Variants in PFKFB3 observed in about 807,000 individuals in gnomAD.
PFKFB3 encodes the protein 6-phosphofructo-2-kinase/fructose-2,6-biphosphatase 3.
PFKFB3 carries 33 observed loss-of-function variants against 68.0 expected under a neutral mutation model. The observed-to-expected ratio is 0.49, with a 90% CI of 0.37 to 0.65. The LOEUF is 0.65. PFKFB3 is among the 30% of genes least tolerant of loss of function. The probability of loss-of-function intolerance (pLI) is 0.00; values close to 1 mark genes in which losing one functional copy is unlikely to be tolerated. For missense variants in PFKFB3, 586 were observed against 712.2 expected (o/e 0.82, Z 2.02); for synonymous variants, 315 against 288.2 (o/e 1.09, Z -0.94).
At chr10:6,298,618 G>T in the PFKFB3 span, among the ~76,000 whole-genome samples, 1 of 151,982 alleles carries the variant, frequency 6.6e-6, no homozygotes, top group East Asian at 1.9e-4. Flanking sequence ...CTCCTGCCTC[G>T]GCCTCCCAAA....
the PFKFB3 span, among the ~76,000 whole-genome samples, chr10:6,307,333 ACACACACACACACACAC>A: frequency 2.6e-5 from 3 of 117,446 alleles, no homozygotes; most frequent in East Asian, 3.5e-4. Flanking sequence ...TGCGTACTAC[ACACACACACACACACAC>A]ACACACACAC....
chr10:6,224,447 C>T, intron 13 of PFKFB3: 1 of 641,914 alleles, frequency 1.6e-6, no homozygotes, highest in Non-Finnish European at 2.8e-6. Context: ...TTCTGCTGAG[C>T]TCGAGATATG....
At chr10:6,265,485 C>T in the PFKFB3 span, among the ~76,000 whole-genome samples, 3 of 152,150 alleles carry the variant, frequency 2.0e-5, no homozygotes, top group African/African-American at 7.2e-5. Flanking sequence ...GATTTTGTCT[C>T]ATGTTTCTCC....
intron 1 of PFKFB3, among the ~76,000 whole-genome samples, chr10:6,172,988 G>C (rs887112325): frequency 2.0e-5 from 3 of 152,156 alleles, no homozygotes; most frequent in African/African-American, 7.2e-5. Context: ...AGCGTCCACT[G>C]CAGTGGCCCA....
At chr10:6,146,604 G>A (rs12263904) in intron 1 of PFKFB3, 1 of 1,132,514 alleles carries the variant, frequency 8.8e-7, no homozygotes, top group Non-Finnish European at 1.2e-6. Context: ...TGACTTCATC[G>A]CTTCTGCCCA....
chr10:6,221,877 G>A (rs2131987110), intron 10 of PFKFB3, 132 bp downstream of exon 10: 1 of 629,302 alleles, frequency 1.6e-6, no homozygotes, highest in Non-Finnish European at 2.8e-6. Flanking sequence ...CCTTGGAACT[G>A]AGTCCCCCCA....
the PFKFB3 span, among the ~76,000 whole-genome samples, chr10:6,305,443 A>C: frequency 1.3e-5 from 2 of 152,178 alleles, no homozygotes; most frequent in Admixed American, 1.3e-4. Context: ...GGCCTTGCAA[A>C]GTGTTGGGAT....
At chr10:6,324,587 C>T in the PFKFB3 span, among the ~76,000 whole-genome samples, 2 of 151,930 alleles carry the variant, frequency 1.3e-5, no homozygotes, top group Non-Finnish European at 1.5e-5. Flanking sequence ...CCACCACGAC[C>T]AGCTAATACT....
In PFKFB3 at chr10:6,215,106, T is replaced by C; in HGVS notation, c.203-115T>C. Reference sequence around the variant, plus strand: ...CGGCATTGCTTCCACACCATCTCATTCAAGTCGGTGTGGTTGGCCTGGTGG... The same window carrying C: ...CGGCATTGCTTCCACACCATCTCATCCAAGTCGGTGTGGTTGGCCTGGTGG... On this transcript the variant is annotated intron_variant, in intron 2 of 14. Coordinates refer to ENST00000379775, the MANE Select transcript of PFKFB3 (RefSeq NM_004566.4). This position sits in a 1 kb window ranked among gnomAD's most constrained non-coding sequence, Gnocchi z 4.3. The C allele has an allele frequency of 1.3e-6, 1 of 792,310 alleles. No homozygotes were observed. The highest frequency in any genetic ancestry group is 2.1e-6 in the Non-Finnish European group (1 of 467,974). 49.1% of individuals were successfully genotyped at this position (792,310 alleles called of 1,614,324 possible).
At chr10:6,232,540 G>A (rs1845810747) in intron 14 of PFKFB3, among the ~76,000 whole-genome samples, 1 of 152,194 alleles carries the variant, frequency 6.6e-6, no homozygotes, top group African/African-American at 2.4e-5. Context: ...CCTCTGCCTG[G>A]CTGTGGTTTG....
chr10:6,304,256 A>G, the PFKFB3 span, among the ~76,000 whole-genome samples: 1 of 152,122 alleles, frequency 6.6e-6, no homozygotes, highest in Non-Finnish European at 1.5e-5. Flanking sequence ...TAATGGATGT[A>G]ACTGATGACA....
intron 1 of PFKFB3, chr10:6,146,186 C>G (rs1436629238): frequency 7.9e-6 from 11 of 1,397,356 alleles, no homozygotes; most frequent in South Asian, 4.4e-5. Flanking sequence ...TGTGCTGTGC[C>G]GTCTCTCCCT....
chr10:6,152,525 C>G (rs531015975), intron 1 of PFKFB3, among the ~76,000 whole-genome samples: 2 of 152,212 alleles, frequency 1.3e-5, no homozygotes, highest in South Asian at 2.1e-4. Context: ...AGGAACATTC[C>G]GAACCCATGA....
In PFKFB3 at chr10:6,155,232, C is replaced by T. The variant is rs575375543; in HGVS notation, c.16+10219C>T. 4.0e-4 allele frequency among the ~76,000 whole-genome samples: 54 copies of T among 135,446 alleles called. 1 individual carries two copies. Among genetic ancestry groups the T allele is most frequent in the Non-Finnish European group, 6.2e-4 (39 of 62,890 alleles). 88.9% of individuals were successfully genotyped at this position (135,446 alleles called of 152,430 possible). Reference sequence around the variant, plus strand: ...TTTTTTTTTTTTTTGAGACGGAGTCCCGCTCTGTCGCCCAGGCTGGAGGGC... The same window carrying T: ...TTTTTTTTTTTTTTGAGACGGAGTCTCGCTCTGTCGCCCAGGCTGGAGGGC... On this transcript the variant is annotated intron_variant, in intron 1 of 14. Coordinates refer to the PFKFB3 transcript ENST00000379789.
chr10:6,232,897 C>T lies in PFKFB3; in HGVS notation c.1518C>T (p.Asn506=), dbSNP rs145555537. 402 of 1,612,776 alleles carry T rather than the reference C, an allele frequency of 2.5e-4. 1 individual carries two copies. The highest frequency in any genetic ancestry group is 6.4e-4 in the South Asian group (58 of 91,046). ...PEVPTQLPGQ[N]MKGSRSSADS... is the part of the protein sequence containing the mutation. ...CCTCTCTTTTCTCCTGAAAACAGAACATGAAAGGCTCCCGGAGCAGCGCTG... is the reference window on the plus strand; with the variant it reads ...CCTCTCTTTTCTCCTGAAAACAGAATATGAAAGGCTCCCGGAGCAGCGCTG... The change falls in exon 15 of 15, where the codon AAC becomes AAT. Residue 506 remains asparagine (N), a splice_region_variant and synonymous_variant. Coordinates refer to ENST00000379775, the MANE Select transcript of PFKFB3 (RefSeq NM_004566.4).
intron 14 of PFKFB3, among the ~76,000 whole-genome samples, chr10:6,245,388 C>T (rs1846232462): frequency 7.1e-6 from 1 of 140,988 alleles, no homozygotes; most frequent in African/African-American, 2.7e-5. Flanking sequence ...AGCTACTGCA[C>T]CCGGCCTATT....
chr10:6,219,536 T>A, intron 6 of PFKFB3, 33 bp from the exon 7 acceptor site: 1 of 1,613,636 alleles, frequency 6.2e-7, no homozygotes, highest in Non-Finnish European at 8.5e-7. Context: ...CCTTCCAGCG[T>A]GATTTATCAG....
At chr10:6,285,238 T>G in the PFKFB3 span, among the ~76,000 whole-genome samples, 1 of 151,350 alleles carries the variant, frequency 6.6e-6, no homozygotes, top group African/African-American at 2.4e-5. Flanking sequence ...TTTTTTTTTT[T>G]GTCTTTTTTT....
At chr10:6,252,710 G>C (rs1399255637) in intron 14 of PFKFB3, among the ~76,000 whole-genome samples, 1 of 152,174 alleles carries the variant, frequency 6.6e-6, no homozygotes, top group East Asian at 1.9e-4. Context: ...TATATATGCA[G>C]AGATTTGAAA....
Sources: allele counts gnomAD v4.1 joint callset (sites outside exome capture counted in the v4.1 genomes callset), GRCh38; gene constraint gnomAD v4.1.1; non-coding constraint Gnocchi (gnomAD v3.1); transcripts MANE v1.5; gene names NCBI Gene and HGNC (gene_info 2026-07-23, HGNC 2026-07-21).